Variants in PCDHGA5 observed in about 807,000 individuals in gnomAD.
PCDHGA5 encodes protocadherin gamma-A5.
Under a neutral mutation model 56.7 loss-of-function variants are expected in PCDHGA5, and 36 were observed. That is an observed-to-expected ratio of 0.64 (90% CI 0.49 to 0.84). The LOEUF is 0.84. PCDHGA5 is among the 40% of genes least tolerant of loss of function. The pLI is 0.00. For synonymous variants in PCDHGA5, 563 were observed against 520.2 expected, an observed-to-expected ratio of 1.08 and a Z score of -1.12; for missense variants, 1,305 against 1,201.5, an observed-to-expected ratio of 1.09 and a Z score of -1.27.
intron 1 of PCDHGA5, chr5:141,398,152 G>T: frequency 5.3e-6 from 8 of 1,498,488 alleles, no homozygotes; most frequent in Non-Finnish European, 7.1e-6. Context: ...CGGGGAGCTG[G>T]GCCGGGCTGA....
intron 2 of PCDHGA5, among the ~76,000 whole-genome samples, chr5:141,500,695 T>G (rs1214079801): frequency 1.3e-5 from 2 of 152,214 alleles, no homozygotes; most frequent in Admixed American, 6.5e-5. Flanking sequence ...TTTTTCTTCT[T>G]TGCAGTGTAT....
At chr5:141,395,179 A>G in intron 1 of PCDHGA5, 1 of 1,614,164 alleles carries the variant, frequency 6.2e-7, no homozygotes, top group Non-Finnish European at 8.5e-7. Flanking sequence ...GAGAAAAATG[A>G]TTCTTTGTTA....
At chr5:141,496,373 C>T (rs1315450867) in intron 2 of PCDHGA5, among the ~76,000 whole-genome samples, 2 of 152,216 alleles carry the variant, frequency 1.3e-5, no homozygotes. Flanking sequence ...GAAGCAGGAG[C>T]TTGGGCCACC....
At position 141,476,683 on chromosome 5, in the gene PCDHGA5, C is replaced by T; in HGVS notation, c.2422-18124C>T. The T allele has an allele frequency of 1.9e-6, 3 of 1,614,242 alleles. No homozygotes were observed. Among genetic ancestry groups the T allele is most frequent in the Non-Finnish European group, 2.5e-6 (3 of 1,180,052 alleles). ...CGCTTCGCGTGCAGACGCGGGAGGA[C>T]AGCACCAAGTACGCGGAGCTGGTGT... On this transcript the variant is annotated intron_variant, in intron 1 of 3. Coordinates refer to ENST00000518069, the MANE Select transcript of PCDHGA5 (RefSeq NM_018918.3). The surrounding 1 kb of genome is among the most constrained non-coding windows in gnomAD (Gnocchi z 7.6).
At chr5:141,507,833 G>C (rs1184502436) in intron 3 of PCDHGA5, among the ~76,000 whole-genome samples, 2 of 152,172 alleles carry the variant, frequency 1.3e-5, no homozygotes, top group East Asian at 3.9e-4. Flanking sequence ...GGAGGTGGTG[G>C]GTCAGGCCCT....
At chr5:141,439,445 G>A (rs1030957687) in intron 1 of PCDHGA5, among the ~76,000 whole-genome samples, 5 of 152,102 alleles carry the variant, frequency 3.3e-5, no homozygotes, top group African/African-American at 4.8e-5. Flanking sequence ...ATTTTATTGC[G>A]GGAGCAAGAC....
intron 1 of PCDHGA5, chr5:141,413,677 G>T (rs539552615): frequency 6.2e-7 from 1 of 1,613,794 alleles, no homozygotes; most frequent in East Asian, 2.2e-5. Flanking sequence ...GGATGTGGGC[G>T]TGAACTCCCT....
intron 1 of PCDHGA5, among the ~76,000 whole-genome samples, chr5:141,469,808 A>C (rs1253675252): frequency 2.0e-5 from 3 of 152,174 alleles, no homozygotes; most frequent in Admixed American, 6.5e-5. Flanking sequence ...AAAACATTGT[A>C]GATAGAATGG....
intron 1 of PCDHGA5, chr5:141,385,657 C>A: frequency 1.6e-6 from 1 of 611,856 alleles, no homozygotes; most frequent in Non-Finnish European, 2.2e-6. Context: ...ACAAGGTTAG[C>A]AGGAATAAAA....
intron 1 of PCDHGA5, among the ~76,000 whole-genome samples, chr5:141,381,244 C>G (rs554184818): frequency 6.6e-6 from 1 of 152,242 alleles, no homozygotes; most frequent in South Asian, 2.1e-4. Context: ...TCTCCAGGAC[C>G]TAGAAGAATT....
rs781580216 is a variant in PCDHGA5 at position 141,430,931 on chromosome 5, G to A, written c.2422-63876G>A. The stretch of plus-strand genomic sequence containing the variant: ...CAGGGACCTGGGGCTGGAGCCCCGG[G>A]AGCTCGCGGAGCGCGGAGTCCGCAT... On this transcript the variant is annotated intron_variant, in intron 1 of 3. Coordinates refer to ENST00000518069, the MANE Select transcript of PCDHGA5 (RefSeq NM_018918.3). The A allele has an allele frequency of 1.5e-5, 24 of 1,607,530 alleles. No individual in the cohort carries two copies. In the East Asian group the frequency reaches 4.9e-4, roughly 33 times the overall value.
rs1164046040 is a variant in PCDHGA5, at chr5:141,476,557, C to A, written c.2422-18250C>A. ...AAATGAAATTGGAGATTAGCGAGGC[C>A]GTGGCTCCGGGGACGCGCTTTCCGC... is the stretch of plus-strand genomic sequence containing the variant. On this transcript the variant is annotated intron_variant, in intron 1 of 3. Transcript: ENST00000518069. This position sits in a 1 kb window ranked among gnomAD's most constrained non-coding sequence, Gnocchi z 7.6. The A allele has an allele frequency of 2.5e-6, 4 of 1,614,222 alleles. No individual in the cohort carries two copies. Among genetic ancestry groups the A allele is most frequent in the Admixed American group, 3.3e-5 (2 of 60,032 alleles).
chr5:141,440,563 T>C (rs1048420758), intron 1 of PCDHGA5: 3 of 152,250 alleles, frequency 2.0e-5, no homozygotes, highest in Admixed American at 6.5e-5. Flanking sequence ...TTAAGTTACG[T>C]ATCTCTGAGT....
intron 1 of PCDHGA5, among the ~76,000 whole-genome samples, chr5:141,406,607 C>T (rs1289606470): frequency 6.6e-6 from 1 of 152,202 alleles, no homozygotes; most frequent in Non-Finnish European, 1.5e-5. Flanking sequence ...AAAGTTGTCA[C>T]ATCTTTTATT....
At chr5:141,403,892 T>C in intron 1 of PCDHGA5, 1 of 1,613,820 alleles carries the variant, frequency 6.2e-7, no homozygotes, top group Non-Finnish European at 8.5e-7. Flanking sequence ...AGAATGTTCA[T>C]TTTATGAAAT....
In PCDHGA5 at chr5:141,366,573, C is replaced by G. The variant is rs1323314760; in HGVS notation, c.2243C>G (p.Ala748Gly). ...SHFVGVDGVR[A>G]FLQTYSHEVS... Reference sequence around the variant, plus strand: ...TTTGTGGGCGTGGATGGGGTTCGGGCTTTCCTGCAGACCTATTCCCACGAG... The same window carrying G: ...TTTGTGGGCGTGGATGGGGTTCGGGGTTTCCTGCAGACCTATTCCCACGAG... Residue 748 changes from alanine (A) to glycine (G), a missense_variant, in exon 1 of 4, where the codon GCT becomes GGT. Transcript: ENST00000518069. 1 of 1,614,252 alleles carries G rather than the reference C, an allele frequency of 6.2e-7. No homozygotes were observed. Among genetic ancestry groups the G allele is most frequent in the Admixed American group, 1.7e-5 (1 of 60,028 alleles).
At chr5:141,447,238 C>T (rs1028683423) in intron 1 of PCDHGA5, among the ~76,000 whole-genome samples, 1 of 152,148 alleles carries the variant, frequency 6.6e-6, no homozygotes, top group Non-Finnish European at 1.5e-5. Context: ...CTCCCGGGTT[C>T]AAGTGATTCT....
intron 1 of PCDHGA5, among the ~76,000 whole-genome samples, chr5:141,402,229 AG>A (rs1400203598): frequency 6.6e-6 from 1 of 152,110 alleles, no homozygotes; most frequent in Non-Finnish European, 1.5e-5. Context: ...ACGTTTTTCC[AG>A]GAATTTTATC....
chr5:141,392,759 T>C, intron 1 of PCDHGA5: 1 of 1,473,194 alleles, frequency 6.8e-7, no homozygotes, highest in Non-Finnish European at 9.0e-7. Flanking sequence ...AGAAACTAAA[T>C]AAGACCCATT....
Sources: allele counts gnomAD v4.1 joint callset (sites outside exome capture counted in the v4.1 genomes callset), GRCh38; gene constraint gnomAD v4.1.1; non-coding constraint Gnocchi (gnomAD v3.1); transcripts MANE v1.5; gene names NCBI Gene and HGNC (gene_info 2026-07-23, HGNC 2026-07-21).